Variants in PNPLA7 observed in about 807,000 individuals in gnomAD.
The protein encoded by PNPLA7 is patatin like domain 7, lysophospholipase.
In PNPLA7, 153 loss-of-function variants were observed where a neutral mutation model predicts 161.7. The ratio of observed to expected loss-of-function variants is 0.95; its 90% CI spans 0.83 to 1.08. PNPLA7 has a LOEUF of 1.08. Ranked by LOEUF, PNPLA7 falls within the 50% of genes least tolerant of loss-of-function variation. The pLI, the probability that PNPLA7 is intolerant of heterozygous loss-of-function variation, is 0.00. For synonymous variants in PNPLA7, 809 were observed against 782.1 expected (o/e 1.03, Z -0.57); for missense variants, 1,739 against 1,856.6 (o/e 0.94, Z 1.16).
chr9:137,497,275 A>C lies in PNPLA7; in HGVS notation c.1925T>G (p.Leu642Arg). The C allele has an allele frequency of 1.3e-6, 2 of 1,588,250 alleles. No individual in the cohort carries two copies. Among genetic ancestry groups the C allele is most frequent in the South Asian group, 2.3e-5 (2 of 86,992 alleles). ...GATCACAGAGCGCAGCCGGCCGCTG[A>C]GCATGATGTACGTGCAGTCGGACTT... Reference protein sequence around the residue: ...GDKSDCTYIMLSGRLRSVIRK... With the variant: ...GDKSDCTYIMRSGRLRSVIRK... The change falls in exon 18 of 35, where the codon CTC (leucine) becomes CGC (arginine). Residue 642 changes from leucine to arginine, a missense_variant. Coordinates refer to ENST00000406427, the MANE Select transcript of PNPLA7 (RefSeq NM_001098537.3).
chr9:137,545,248 A>G (rs993695541), intron 4 of PNPLA7, among the ~76,000 whole-genome samples: 5 of 152,158 alleles, frequency 3.3e-5, no homozygotes, highest in Admixed American at 3.3e-4. Context: ...AACCACCCAG[A>G]CATTCAAAGT....
At position 137,502,691 on chromosome 9, in the gene PNPLA7, ACG is replaced by A. The variant is rs1833519100; in HGVS notation, c.1474-966_1474-965del. Among the ~76,000 whole-genome samples, 9 of 55,916 alleles carry A rather than the reference ACG, an allele frequency of 1.6e-4. 1 individual carries two copies. The highest frequency in any genetic ancestry group is 2.4e-4 in the African/African-American group (3 of 12,308). The allele number at this position is 55,916 out of a possible 152,430, so 36.7% of individuals were successfully genotyped here. A position where few individuals can be genotyped will look rare whatever the true frequency, so the allele number is the denominator to read the frequency against. ...TCAGAGCCTTCGGGAGATGAGGGGG[ACG>A]GGGGGGACGCGGGGGACGCGGGGGA... On this transcript the variant is annotated intron_variant, in intron 14 of 34. Coordinates refer to ENST00000406427, the MANE Select transcript of PNPLA7 (RefSeq NM_001098537.3).
intron 1 of PNPLA7, 103 bp downstream of exon 1, chr9:137,550,065 G>A (rs570874068): frequency 1.4e-6 from 2 of 1,437,106 alleles, no homozygotes; most frequent in African/African-American, 2.8e-5. Flanking sequence ...GAAGCCACGG[G>A]GCCAAAGAGC....
Position 137,478,136 on chromosome 9 carries a change from T to C in PNPLA7, c.2780A>G (p.His927Arg), listed in dbSNP as rs73567240. 0.014 allele frequency: 18,296 copies of C among 1,338,252 alleles called. 1,906 individuals are homozygous for C. In the African/African-American group the frequency reaches 0.23, roughly 17 times the overall value. The allele number at this position is 1,338,252 out of a possible 1,614,324, so 82.9% of individuals were successfully genotyped here. A position where few individuals can be genotyped will look rare whatever the true frequency, so the allele number is the denominator to read the frequency against. The change falls in exon 25 of 35, where the codon CAT becomes CGT. Residue 927 changes from histidine (H) to arginine (R), a missense_variant. Physicochemically the swap from His to Arg is conservative, Grantham distance 29. Coordinates refer to ENST00000406427, the MANE Select transcript of PNPLA7 (RefSeq NM_001098537.3). Reference sequence around the variant, plus strand: ...TCGGTCCGGGGGCCGCTGGAAGACATGCTTGTACATCTCCACCTGGGGGAG... The same window carrying C: ...TCGGTCCGGGGGCCGCTGGAAGACACGCTTGTACATCTCCACCTGGGGGAG... ...SLPKLVEMYK[H>R]VFQRPPDRHS...
rs145091535 is a variant in PNPLA7 at position 137,491,428 on chromosome 9, G to C, written c.2197+1585C>G. The C allele has an allele frequency of 5.3e-6, 5 of 946,208 alleles. No homozygotes were observed. The African/African-American group carries it at 8.9e-5, about 17-fold the overall frequency. 58.6% of individuals were successfully genotyped at this position (946,208 alleles called of 1,614,324 possible). A position where few individuals can be genotyped will look rare whatever the true frequency, so the allele number is the denominator to read the frequency against. On this transcript the variant is annotated intron_variant, in intron 20 of 34. Coordinates refer to ENST00000406427, the MANE Select transcript of PNPLA7 (RefSeq NM_001098537.3). Reference sequence around the variant, plus strand: ...TTGTCAGAAGGGATGAGGAACACATGATCCAACCGGACACCTTCTACAAGA... The same window carrying C: ...TTGTCAGAAGGGATGAGGAACACATCATCCAACCGGACACCTTCTACAAGA...
At chr9:137,516,556 CCAAA>C in intron 11 of PNPLA7, 1 of 984,588 alleles carries the variant, frequency 1.0e-6, no homozygotes. Flanking sequence ...CACCTGTAAT[CCAAA>C]CAATTTGGGA....
intron 12 of PNPLA7, 99 bp from the exon 13 acceptor site, chr9:137,506,182 C>A (rs558433854): frequency 2.1e-6 from 2 of 958,980 alleles, no homozygotes; most frequent in African/African-American, 1.6e-5. Flanking sequence ...ACCACACAGA[C>A]CCCGGCAGCT....
Position 137,522,744 on chromosome 9 carries a change from C to T in PNPLA7, c.861G>A (p.Leu287=), listed in dbSNP as rs544247619. Residue 287 remains leucine (L), a synonymous_variant, in exon 9 of 35, where the codon CTG becomes CTA. Coordinates refer to ENST00000406427, the MANE Select transcript of PNPLA7 (RefSeq NM_001098537.3). ...HGVFEKYPET[L]VRVVQIIMVR... is the part of the protein sequence containing the mutation. ...AGTGACTCACCTGCACCACCCTCACCAGAGTTTCCGGATATTTCTCAAAAA... is the reference window on the plus strand; with the variant it reads ...AGTGACTCACCTGCACCACCCTCACTAGAGTTTCCGGATATTTCTCAAAAA... The T allele has an allele frequency of 5.0e-6, 8 of 1,613,638 alleles. No individual in the cohort carries two copies. Among genetic ancestry groups the T allele is most frequent in the South Asian group, 2.2e-5 (2 of 91,066 alleles).
In PNPLA7 at chr9:137,479,088, G is replaced by A. The variant is rs200791872; in HGVS notation, c.2731C>T (p.Arg911Cys). The change falls in exon 24 of 35, where the codon CGC becomes TGC. Residue 911 changes from arginine (R) to cysteine (C), a missense_variant. Arg to Cys is a radical substitution (Grantham distance 180). Transcript: ENST00000406427. ...GGCAGGCTCCTCCTGGAGAAGACGC[G>A]GCGCGGGCAGCAGAGGTGCAGGTGG... ...SGHLHLCCPR[R>C]VFSRRSLPKL... 1.4e-5 allele frequency: 22 copies of A among 1,597,496 alleles called. No individual in the cohort carries two copies. Among genetic ancestry groups the A allele is most frequent in the African/African-American group, 5.3e-5 (4 of 74,778 alleles).
intron 14 of PNPLA7, among the ~76,000 whole-genome samples, chr9:137,504,012 GGAAGAA>G (rs199512250): frequency 2.1e-5 from 2 of 95,580 alleles, no homozygotes; most frequent in Non-Finnish European, 4.4e-5. Flanking sequence ...GAAAGAAGAA[GGAAGAA>G]GAAGAAGGAG....
intron 4 of PNPLA7, among the ~76,000 whole-genome samples, chr9:137,545,054 G>A (rs1007291606): frequency 1.8e-4 from 28 of 152,162 alleles, no homozygotes; most frequent in Admixed American, 1.6e-3. Flanking sequence ...TGAAGCTTCT[G>A]GGTGGTCTGT....
At chr9:137,497,001 G>C (rs560320700) in intron 18 of PNPLA7, among the ~76,000 whole-genome samples, 186 bp downstream of exon 18, 57 of 152,340 alleles carry the variant, frequency 3.7e-4, no homozygotes, top group African/African-American at 1.3e-3. Flanking sequence ...AGCAGCCGCG[G>C]GGAGTCCCCC....
At chr9:137,466,614 C>A (rs1383192788) in intron 26 of PNPLA7, among the ~76,000 whole-genome samples, 1 of 149,262 alleles carries the variant, frequency 6.7e-6, no homozygotes, top group Admixed American at 6.6e-5. Flanking sequence ...GACCTGGGCA[C>A]GGATCAGACC....
In PNPLA7 at chr9:137,499,178, G is replaced by A. The variant is rs1430029741; in HGVS notation, c.1758-933C>T. ...GACACTCGCAGACACACGGACACAC[G>A]GAGACACACGGACACAGGCAGACAC... On this transcript the variant is annotated intron_variant, in intron 16 of 34. Transcript: ENST00000406427. This position sits in a 1 kb window ranked among gnomAD's most constrained non-coding sequence, Gnocchi z 5.5. 1.4e-5 allele frequency among the ~76,000 whole-genome samples: 2 copies of A among 147,242 alleles called. No individual in the cohort carries two copies. The highest frequency in any genetic ancestry group is 3.0e-5 in the Non-Finnish European group (2 of 66,584).
rs141633875 is a variant in PNPLA7, at chr9:137,463,514, C to T, written c.3244G>A (p.Val1082Met). 2.0e-5 allele frequency: 32 copies of T among 1,585,038 alleles called. No homozygotes were observed. The highest frequency in any genetic ancestry group is 1.7e-4 in the Middle Eastern group (1 of 6,034). Reference protein sequence around the residue: ...VHTDGSLWWYVRASMSLSGYM... With the variant: ...VHTDGSLWWYMRASMSLSGYM... ...CCGGACAGGGACATGCTGGCACGCA[C>T]GTACCACCACAGGGAGCCTGGGGAG... Residue 1082 changes from valine to methionine, a missense_variant, in exon 29 of 35, where the codon GTG (valine) becomes ATG (methionine). Physicochemically the swap from Val to Met is conservative, Grantham distance 21. Around this residue, in one of 6 missense-constraint regions of PNPLA7, gnomAD observed 703 missense variants for 694.6 expected, o/e 1.01. Coordinates refer to ENST00000406427, the MANE Select transcript of PNPLA7 (RefSeq NM_001098537.3).
At position 137,474,673 on chromosome 9, in the gene PNPLA7, T is replaced by TA. The variant is rs1178823598; in HGVS notation, c.2882+3360dup. Among the ~76,000 whole-genome samples the TA allele has an allele frequency of 5.3e-5, 8 of 152,054 alleles. No homozygotes were observed. The South Asian group carries it at 1.7e-3, about 32-fold the overall frequency. ...ATGAAGAATAGGGGAGAGAAAAGAC[T>TA]AAAAATTAGAAGATCCATCTAAGAT... On this transcript the variant is annotated intron_variant, in intron 25 of 34. Transcript: ENST00000406427.
Position 137,505,668 on chromosome 9 carries a change from C to G in PNPLA7, c.1419G>C (p.Ser473=). Residue 473 remains serine, a synonymous_variant, in exon 14 of 35, where the codon TCG becomes TCC. Coordinates refer to ENST00000406427, the MANE Select transcript of PNPLA7 (RefSeq NM_001098537.3). ...HTDETLASRK[S]DAIFRAAKKD... is the part of the protein sequence containing the mutation. ...TCTTGGCAGCTCTGAAGATGGCATC[C>G]GACTTCCTGCTGGCCAGGGTCTCAT... 1.2e-6 allele frequency: 2 copies of G among 1,614,128 alleles called. No individual in the cohort carries two copies. The highest frequency in any genetic ancestry group is 1.7e-6 in the Non-Finnish European group (2 of 1,180,040).
chr9:137,505,957 G>A, intron 13 of PNPLA7, 26 bp downstream of exon 13: 2 of 1,590,802 alleles, frequency 1.3e-6, no homozygotes, highest in Non-Finnish European at 1.7e-6. Flanking sequence ...CCCAGGCGGA[G>A]GGTGAGAATG....
chr9:137,522,361 G>A (rs368823469), intron 9 of PNPLA7, among the ~76,000 whole-genome samples: 80 of 146,608 alleles, frequency 5.5e-4, no homozygotes, highest in Admixed American at 2.8e-3. Context: ...GGCGGGAGCC[G>A]CCGCGCCCGG....
Sources: gnomAD v4.1 joint callset for allele counts (sites outside exome capture counted in the v4.1 genomes callset) on GRCh38, gnomAD v4.1.1 for gene constraint, gnomAD v4.1.1 regional missense constraint, Gnocchi (gnomAD v3.1) non-coding constraint, MANE v1.5 for transcripts, NCBI Gene and HGNC (gene_info 2026-07-23, HGNC 2026-07-21) for gene names.